Variants in PDXDC1 observed in about 807,000 individuals in gnomAD.
PDXDC1 encodes pyridoxal dependent decarboxylase domain containing 1, also known as pyridoxal-dependent decarboxylase domain-containing protein 1.
PDXDC1 carries 42 observed loss-of-function variants against 100.1 expected under a neutral mutation model. The observed-to-expected ratio is 0.42, with a 90% CI of 0.33 to 0.54. The LOEUF (loss-of-function observed/expected upper bound fraction) is 0.54. Among genes scored for constraint, PDXDC1 ranks in the 20% least tolerant of loss-of-function variants. The pLI is 0.10. For missense variants in PDXDC1, 636 were observed against 979.2 expected, an observed-to-expected ratio of 0.65 and a Z score of 4.68; for synonymous variants, 260 against 371.7, an observed-to-expected ratio of 0.70 and a Z score of 3.46.
At chr16:15,072,525 G>T (rs903501557) in intron 16 of PDXDC1, among the ~76,000 whole-genome samples, 4 of 152,246 alleles carry the variant, frequency 2.6e-5, no homozygotes, top group Admixed American at 1.3e-4. Flanking sequence ...ACGTGGGCCA[G>T]GCACAGTTGT....
At chr16:15,100,947 C>G (rs900689708) in intron 16 of PDXDC1, among the ~76,000 whole-genome samples, 4 of 152,204 alleles carry the variant, frequency 2.6e-5, no homozygotes, top group Non-Finnish European at 5.9e-5. Context: ...GATCTCCCCA[C>G]TGCATCCTGC....
intron 16 of PDXDC1, among the ~76,000 whole-genome samples, chr16:15,079,050 T>A (rs1476187089): frequency 2.0e-5 from 3 of 152,100 alleles, no homozygotes; most frequent in Non-Finnish European, 4.4e-5. Flanking sequence ...GACCTCGTGA[T>A]CCGCCCGCCT....
At chr16:15,126,333 G>GT (rs2047725987) in intron 16 of PDXDC1, among the ~76,000 whole-genome samples, 1 of 92,284 alleles carries the variant, frequency 1.1e-5, no homozygotes, top group Non-Finnish European at 2.4e-5. Flanking sequence ...CACCACACCC[G>GT]GCCATCGTTC....
intron 16 of PDXDC1, among the ~76,000 whole-genome samples, chr16:15,062,296 GA>G (rs1227986942): frequency 6.6e-6 from 1 of 152,160 alleles, no homozygotes; most frequent in African/African-American, 2.4e-5. Flanking sequence ...CAGGAAACAT[GA>G]CGAGTCATTC....
chr16:14,979,247 T>C (rs1344947954), intron 1 of PDXDC1, among the ~76,000 whole-genome samples: 1 of 152,282 alleles, frequency 6.6e-6, no homozygotes. Flanking sequence ...GTGGAACATT[T>C]CCATCGCAAA....
intron 16 of PDXDC1, among the ~76,000 whole-genome samples, chr16:15,077,838 T>TCAAA (rs964481606): frequency 6.6e-6 from 1 of 152,160 alleles, no homozygotes; most frequent in South Asian, 2.1e-4. Context: ...AGACACCATC[T>TCAAA]CAAACAAACA....
In PDXDC1 at chr16:15,034,028, C is replaced by T. The variant is rs2151649822; in HGVS notation, c.1813-258C>T. The T allele has an allele frequency of 7.0e-6, 4 of 569,194 alleles. 1 individual carries two copies. The highest frequency in any genetic ancestry group is 4.7e-4 in the Middle Eastern group (1 of 2,144). The allele number at this position is 569,194 out of a possible 1,614,324, so 35.3% of individuals were successfully genotyped here. ...TTTCTGGGTGGACTCCTTAAGGTTTCTTTCCAGCCTGACTTTATGACTTCT... is the reference window on the plus strand; with the variant it reads ...TTTCTGGGTGGACTCCTTAAGGTTTTTTTCCAGCCTGACTTTATGACTTCT... On this transcript the variant is annotated intron_variant, in intron 19 of 22. Transcript: ENST00000396410.
intron 1 of PDXDC1, among the ~76,000 whole-genome samples, chr16:14,980,094 A>G (rs1201915910): frequency 1.3e-5 from 2 of 152,284 alleles, no homozygotes; most frequent in Admixed American, 1.3e-4. Context: ...ACTCGGCCAT[A>G]GTACAAAGTT....
intron 16 of PDXDC1, among the ~76,000 whole-genome samples, chr16:15,082,466 AG>A (rs2045748196): frequency 6.6e-6 from 1 of 152,062 alleles, no homozygotes; most frequent in Non-Finnish European, 1.5e-5. Flanking sequence ...TGAGGTCAGG[AG>A]TTCAAGACCA....
chr16:15,086,443 G>A (rs773558358), intron 16 of PDXDC1: 2 of 1,612,244 alleles, frequency 1.2e-6, no homozygotes, highest in Admixed American at 3.4e-5. Flanking sequence ...GCCAGTTGAT[G>A]ATCTGGTCAT....
chr16:15,145,955 G>A, the PDXDC1 span, among the ~76,000 whole-genome samples: 1 of 152,188 alleles, frequency 6.6e-6, no homozygotes, highest in East Asian at 1.9e-4. Flanking sequence ...TATGTTCCTC[G>A]CTGGAAAGCA....
chr16:15,018,217 A>G (rs1369437779), intron 11 of PDXDC1, among the ~76,000 whole-genome samples: 1 of 152,164 alleles, frequency 6.6e-6, no homozygotes, highest in Non-Finnish European at 1.5e-5. Context: ...CCTGGGCAAC[A>G]TGGTGAAACC....
intron 16 of PDXDC1, chr16:15,130,589 C>T (rs1204622071): frequency 2.2e-6 from 3 of 1,350,380 alleles, no homozygotes; most frequent in Non-Finnish European, 1.1e-6. Context: ...CAATGCTGAC[C>T]CATGATGCCC....
chr16:15,077,616 C>T (rs879757066), intron 16 of PDXDC1, among the ~76,000 whole-genome samples: 30 of 152,208 alleles, frequency 2.0e-4, no homozygotes, highest in Non-Finnish European at 3.2e-4. Flanking sequence ...CCGAGGTGGA[C>T]GGATCATGAG....
chr16:15,146,566 G>A, the PDXDC1 span, among the ~76,000 whole-genome samples: 3 of 152,014 alleles, frequency 2.0e-5, no homozygotes, highest in African/African-American at 7.2e-5. Context: ...CGGGTCTTGT[G>A]AGCCCCTACA....
intron 16 of PDXDC1, among the ~76,000 whole-genome samples, chr16:15,129,090 C>A (rs1020001252): frequency 1.3e-5 from 2 of 151,674 alleles, no homozygotes; most frequent in Non-Finnish European, 2.9e-5. Flanking sequence ...CAGGTGTGAG[C>A]CACCGCGCCC....
intron 16 of PDXDC1, chr16:15,047,118 A>C: frequency 5.9e-6 from 2 of 341,552 alleles, no homozygotes; most frequent in Non-Finnish European, 5.4e-6. Flanking sequence ...TGCGGGAGGA[A>C]TGACTGCATG....
intron 16 of PDXDC1, among the ~76,000 whole-genome samples, chr16:15,081,970 G>A (rs1335763207): frequency 6.6e-6 from 1 of 152,098 alleles, no homozygotes. Context: ...CTTCTGTCCC[G>A]TAACCATGCT....
rs2045547713 is a variant in PDXDC1, at chr16:15,078,204, C to T, written c.1399+48148C>T. ...AGAGAGGTGCAACTCCAAGTGAGCACTGCACCAGTGAGCCCAAGCTCCAGC... is the reference window on the plus strand; with the variant it reads ...AGAGAGGTGCAACTCCAAGTGAGCATTGCACCAGTGAGCCCAAGCTCCAGC... On this transcript the variant is annotated intron_variant, in intron 16 of 16. Coordinates refer to the PDXDC1 transcript ENST00000535621. 2.0e-5 allele frequency among the ~76,000 whole-genome samples: 3 copies of T among 152,220 alleles called. No homozygotes were observed. The South Asian group carries it at 6.2e-4, about 31-fold the overall frequency.
Sources: gnomAD v4.1 joint callset for allele counts (sites outside exome capture counted in the v4.1 genomes callset) on GRCh38, gnomAD v4.1.1 for gene constraint, MANE v1.5 for transcripts, NCBI Gene and HGNC (gene_info 2026-07-23, HGNC 2026-07-21) for gene names.